Variants in HTR4 observed in about 807,000 individuals in gnomAD.
HTR4 encodes 5-hydroxytryptamine receptor 4.
A neutral mutation model predicts 36.8 loss-of-function variants in HTR4; 16 were observed. That is an observed-to-expected ratio of 0.43 (90% CI 0.29 to 0.66). The LOEUF is 0.66. Ranked by LOEUF, HTR4 falls within the 30% of genes least tolerant of loss-of-function variation. The pLI, the probability that HTR4 is intolerant of heterozygous loss-of-function variation, is 0.13. For missense variants in HTR4, 438 were observed against 490.9 expected (o/e 0.89, Z 1.02); for synonymous variants, 189 against 185.1 (o/e 1.02, Z -0.17).
At chr5:148,464,774 G>T (rs1755379387) in intron 5 of HTR4, among the ~76,000 whole-genome samples, 1 of 152,112 alleles carries the variant, frequency 6.6e-6, no homozygotes, top group Admixed American at 6.5e-5. Context: ...GCAAAAACCT[G>T]CACACATGTA....
At chr5:148,531,810 C>T (rs374290832) in intron 4 of HTR4, among the ~76,000 whole-genome samples, 6 of 152,276 alleles carry the variant, frequency 3.9e-5, no homozygotes, top group African/African-American at 1.4e-4. Context: ...AGAGCTTTTA[C>T]ATCCCTCTGA....
chr5:148,645,082 T>C (rs1160018521), intron 1 of HTR4: 1 of 152,224 alleles, frequency 6.6e-6, no homozygotes. Context: ...AATTAATTGA[T>C]CTAAAGAAAA....
At chr5:148,583,651 T>TCATC (rs1229631976) in intron 2 of HTR4, among the ~76,000 whole-genome samples, 1 of 127,854 alleles carries the variant, frequency 7.8e-6, no homozygotes, top group Non-Finnish European at 1.8e-5. Context: ...TCATCATCAT[T>TCATC]ATTATCATCA....
At chr5:148,593,072 G>A (rs1194480724) in intron 2 of HTR4, among the ~76,000 whole-genome samples, 1 of 152,084 alleles carries the variant, frequency 6.6e-6, no homozygotes, top group Non-Finnish European at 1.5e-5. Flanking sequence ...TCTCAAACTG[G>A]TATGCAATCT....
chr5:148,588,447 C>T (rs889671027), intron 2 of HTR4, among the ~76,000 whole-genome samples: 12 of 151,782 alleles, frequency 7.9e-5, no homozygotes, highest in African/African-American at 2.9e-4. Flanking sequence ...AAGAAAAAGC[C>T]TTTACTGCTT....
intron 4 of HTR4, among the ~76,000 whole-genome samples, chr5:148,534,363 G>A (rs1020078557): frequency 1.3e-5 from 2 of 152,152 alleles, no homozygotes; most frequent in African/African-American, 2.4e-5. Flanking sequence ...ACTGGAGCAG[G>A]CCCCCAGCAT....
intron 2 of HTR4, among the ~76,000 whole-genome samples, chr5:148,589,031 A>G (rs933280427): frequency 2.0e-5 from 3 of 152,142 alleles, no homozygotes; most frequent in African/African-American, 7.2e-5. Flanking sequence ...TAGTATATGT[A>G]TACACTGAGT....
At chr5:148,553,276 A>G (rs966423568) in intron 2 of HTR4, among the ~76,000 whole-genome samples, 1 of 152,170 alleles carries the variant, frequency 6.6e-6, no homozygotes, top group African/African-American at 2.4e-5. Context: ...CAGACTGGCT[A>G]TTTAATAAAG....
chr5:148,611,741 T>G (rs1752438195), intron 2 of HTR4, among the ~76,000 whole-genome samples: 2 of 151,720 alleles, frequency 1.3e-5, no homozygotes, highest in Non-Finnish European at 2.9e-5. Flanking sequence ...GCAAATTGGG[T>G]AAAGAGTCAA....
At chr5:148,474,872 C>T (rs1325649988), downstream of HTR4, among the ~76,000 whole-genome samples, 2 of 152,022 alleles carry the variant, frequency 1.3e-5, no homozygotes, top group South Asian at 2.1e-4. Flanking sequence ...ACGGTGAAAC[C>T]CCATCTCTAT....
intron 2 of HTR4, among the ~76,000 whole-genome samples, chr5:148,630,854 A>G (rs930128434): frequency 6.6e-6 from 1 of 152,198 alleles, no homozygotes; most frequent in Non-Finnish European, 1.5e-5. Context: ...CAGAGAGATT[A>G]CATAAATTCT....
At chr5:148,520,214 C>T (rs1757949974) in intron 5 of HTR4, among the ~76,000 whole-genome samples, 1 of 152,174 alleles carries the variant, frequency 6.6e-6, no homozygotes, top group East Asian at 1.9e-4. Context: ...TCTCTCTAGG[C>T]AGGTTCAGTG....
chr5:148,590,577 A>G (rs1561637699), intron 2 of HTR4, among the ~76,000 whole-genome samples: 1 of 151,992 alleles, frequency 6.6e-6, no homozygotes, highest in Non-Finnish European at 1.5e-5. Context: ...TTTGGGGTAT[A>G]TCACTTCTTG....
At chr5:148,505,727 T>C (rs1336952205) in intron 6 of HTR4, among the ~76,000 whole-genome samples, 1 of 151,970 alleles carries the variant, frequency 6.6e-6, no homozygotes, top group East Asian at 1.9e-4. Context: ...TATACACCAA[T>C]AACAGACAAA....
intron 4 of HTR4, among the ~76,000 whole-genome samples, chr5:148,524,238 C>T (rs1042601684): frequency 6.6e-6 from 1 of 152,170 alleles, no homozygotes; most frequent in African/African-American, 2.4e-5. Flanking sequence ...GGCATCCTTA[C>T]GGCTGGATAG....
chr5:148,570,717 T>C (rs1760639487), intron 2 of HTR4, among the ~76,000 whole-genome samples: 1 of 152,006 alleles, frequency 6.6e-6, no homozygotes, highest in African/African-American at 2.4e-5. Context: ...ATTAATTCGG[T>C]GATTGTTTTA....
intron 5 of HTR4, among the ~76,000 whole-genome samples, chr5:148,511,760 T>C (rs1354587299): frequency 2.0e-5 from 3 of 152,062 alleles, no homozygotes; most frequent in African/African-American, 7.2e-5. Context: ...TCAATTTATA[T>C]TTCCACCACG....
At position 148,509,567 on chromosome 5, in the gene HTR4, G is replaced by A. The variant is rs761167553; in HGVS notation, c.965C>T (p.Ala322Val). The A allele has an allele frequency of 6.2e-7, 1 of 1,614,034 alleles. No homozygotes were observed. Among genetic ancestry groups the A allele is most frequent in the Non-Finnish European group, 8.5e-7 (1 of 1,179,968 alleles). Residue 322 changes from alanine (A) to valine (V), a missense_variant, in exon 6 of 7, where the codon GCC (alanine) becomes GTC (valine). Coordinates refer to ENST00000377888, the MANE Select transcript of HTR4 (RefSeq NM_000870.7). ...ATCACAGCAGAGGATGATGAGGAAG[G>A]CACGTCTAAAAGACTTATTCAAGAA... ...YAFLNKSFRR[A>V]FLIILCCDDE...
chr5:148,455,079 C>A (rs1350662411), intron 5 of HTR4, among the ~76,000 whole-genome samples: 1 of 152,118 alleles, frequency 6.6e-6, no homozygotes, highest in African/African-American at 2.4e-5. Context: ...GTGCCAGGTA[C>A]CATTTTTGGA....
Sources: gnomAD v4.1 joint callset for allele counts (sites outside exome capture counted in the v4.1 genomes callset) on GRCh38, gnomAD v4.1.1 for gene constraint, MANE v1.5 for transcripts, NCBI Gene and HGNC (gene_info 2026-07-23, HGNC 2026-07-21) for gene names.